Variants in TWIST2 observed in about 807,000 individuals in gnomAD.
TWIST2 encodes the protein twist-related protein 2.
Under a neutral mutation model 11.6 loss-of-function variants are expected in TWIST2, and 1 was observed. The ratio of observed to expected loss-of-function variants is 0.09; its 90% confidence interval spans 0.03 to 0.41. The LOEUF (loss-of-function observed/expected upper bound fraction) is 0.41. Ranked by LOEUF, TWIST2 falls within the 10% of genes least tolerant of loss-of-function variation. TWIST2 has a pLI of 0.98. For missense variants in TWIST2, 168 were observed against 226.4 expected, an observed-to-expected ratio of 0.74 and a Z score of 1.66; for synonymous variants, 87 against 96.6, an observed-to-expected ratio of 0.90 and a Z score of 0.58.
intron 1 of TWIST2, among the ~76,000 whole-genome samples, chr2:238,884,642 G>A (rs978107977): frequency 6.6e-5 from 10 of 152,232 alleles, no homozygotes; most frequent in Middle Eastern, 3.2e-3. Flanking sequence ...GGCAGCAGAG[G>A]CGAGGCCCAT....
At chr2:238,893,333 G>C (rs1398954309) in intron 1 of TWIST2, among the ~76,000 whole-genome samples, 2 of 152,078 alleles carry the variant, frequency 1.3e-5, no homozygotes, top group Non-Finnish European at 2.9e-5. Flanking sequence ...AGATTAATTT[G>C]AAGGACTAAA....
At chr2:238,869,368 A>C (rs1692604757) in intron 1 of TWIST2, among the ~76,000 whole-genome samples, 1 of 152,246 alleles carries the variant, frequency 6.6e-6, no homozygotes, top group South Asian at 2.1e-4. Context: ...GACTACGTCG[A>C]ACTTAAAAAC....
chr2:238,902,249 A>G (rs2106373447), intron 1 of TWIST2, among the ~76,000 whole-genome samples: 1 of 148,376 alleles, frequency 6.7e-6, no homozygotes, highest in South Asian at 2.2e-4. Flanking sequence ...GTGTGTGGTA[A>G]GGAGTTTGTA....
chr2:238,886,238 G>A (rs1366071420), intron 1 of TWIST2, among the ~76,000 whole-genome samples: 1 of 152,116 alleles, frequency 6.6e-6, no homozygotes, highest in Non-Finnish European at 1.5e-5. Context: ...CAGGCTGCAG[G>A]GAAAGGACAT....
Position 238,904,315 on chromosome 2 carries a change from G to GGT in TWIST2, c.*36-5515_*36-5514dup, listed in dbSNP as rs1200229202. ...TGTGATGGGGGTGTGTCTAATGTGA[G>GGT]GTGTGTGTGTGTGATATGGGATGTG... On this transcript the variant is annotated intron_variant, in intron 1 of 1. Transcript: ENST00000612363. 4.8e-4 allele frequency among the ~76,000 whole-genome samples: 68 copies of GGT among 142,352 alleles called. 2 individuals are homozygous for GGT. Among genetic ancestry groups the GGT allele is most frequent in the Middle Eastern group, 3.6e-3 (1 of 278 alleles). 93.4% of individuals were successfully genotyped at this position (142,352 alleles called of 152,430 possible). A position where few individuals can be genotyped will look rare whatever the true frequency, so the allele number is the denominator to read the frequency against.
chr2:238,902,427 TAA>T (rs1449935161), intron 1 of TWIST2, among the ~76,000 whole-genome samples: 106 of 148,196 alleles, frequency 7.2e-4, no homozygotes, highest in Non-Finnish European at 1.2e-3. Flanking sequence ...TGTGATGTGA[TAA>T]GTGTGTGATA....
chr2:238,879,691 G>A (rs1028712509), intron 1 of TWIST2, among the ~76,000 whole-genome samples: 4 of 152,250 alleles, frequency 2.6e-5, no homozygotes, highest in African/African-American at 9.6e-5. Flanking sequence ...GCTGGGTCAA[G>A]CACCAGCTGT....
chr2:238,892,861 T>G (rs1030372965), intron 1 of TWIST2, among the ~76,000 whole-genome samples: 2 of 152,210 alleles, frequency 1.3e-5, no homozygotes, highest in Admixed American at 6.5e-5. Flanking sequence ...TCTTCAACAC[T>G]TAGTGTGTGC....
chr2:238,883,696 T>C (rs1692980864), intron 1 of TWIST2, among the ~76,000 whole-genome samples: 1 of 151,946 alleles, frequency 6.6e-6, no homozygotes. Context: ...GGGAGTTGAG[T>C]AAGAAGAATT....
intron 1 of TWIST2, among the ~76,000 whole-genome samples, chr2:238,908,158 A>G (rs1693387334): frequency 6.6e-6 from 1 of 150,860 alleles, no homozygotes; most frequent in East Asian, 2.0e-4. Flanking sequence ...TACCCACTAC[A>G]TACCACATAT....
chr2:238,863,425 C>T lies in TWIST2; in HGVS notation c.*35+14692C>T, dbSNP rs1343132291. ...TTCAGAAGGATGCACCCGGAATGTA[C>T]CAGCGCGGCTCCCTGATGGAGCTGG... On this transcript the variant is annotated intron_variant, in intron 1 of 1. Transcript: ENST00000612363. This position sits in a 1 kb window ranked among gnomAD's most constrained non-coding sequence, Gnocchi z 4.7. Among the ~76,000 whole-genome samples the T allele has an allele frequency of 6.6e-6, 1 of 152,170 alleles. No individual in the cohort carries two copies. The highest frequency in any genetic ancestry group is 1.5e-5 in the Non-Finnish European group (1 of 68,032).
rs1692476977 is a variant in TWIST2, at chr2:238,863,830, C to T, written c.*35+15097C>T. Among the ~76,000 whole-genome samples the T allele has an allele frequency of 6.6e-6, 1 of 152,138 alleles. No individual in the cohort carries two copies. Among genetic ancestry groups the T allele is most frequent in the Non-Finnish European group, 1.5e-5 (1 of 68,020 alleles). ...AGGATCAAAAATGAAAACCACGTGT[C>T]CCCCTGGCCTTGTATGATGAATGAC... On this transcript the variant is annotated intron_variant, in intron 1 of 1. Coordinates refer to ENST00000612363, the MANE Select transcript of TWIST2 (RefSeq NM_001271893.4). This position sits in a 1 kb window ranked among gnomAD's most constrained non-coding sequence, Gnocchi z 4.7.
intron 1 of TWIST2, among the ~76,000 whole-genome samples, chr2:238,859,289 C>T (rs187194624): frequency 1.8e-4 from 27 of 151,666 alleles, no homozygotes; most frequent in Non-Finnish European, 3.7e-4. Flanking sequence ...CTCAAGAAGC[C>T]AGATGACTAC....
At chr2:238,850,842 A>T (rs775482208) in intron 1 of TWIST2, among the ~76,000 whole-genome samples, 4 of 152,228 alleles carry the variant, frequency 2.6e-5, no homozygotes, top group Non-Finnish European at 4.4e-5. Flanking sequence ...CAAACAAGCT[A>T]GTTTCATTAA....
At chr2:238,860,961 C>T (rs946706413) in intron 1 of TWIST2, among the ~76,000 whole-genome samples, 4 of 151,984 alleles carry the variant, frequency 2.6e-5, no homozygotes, top group African/African-American at 9.7e-5. Context: ...AAACAAAAAA[C>T]TGTTCTGTGT....
chr2:238,868,680 C>T (rs1205565304), intron 1 of TWIST2, among the ~76,000 whole-genome samples: 5 of 152,188 alleles, frequency 3.3e-5, no homozygotes, highest in South Asian at 2.1e-4. Context: ...GGTGACTGTC[C>T]GTGATCACCA....
chr2:238,861,355 G>A (rs1574749084), intron 1 of TWIST2, among the ~76,000 whole-genome samples: 1 of 152,164 alleles, frequency 6.6e-6, no homozygotes, highest in East Asian at 1.9e-4. Flanking sequence ...TCTGCTTCGT[G>A]GTAACTAAAT....
rs186396174 is a variant in TWIST2 at position 238,872,742 on chromosome 2, C to T, written c.*35+24009C>T. Among the ~76,000 whole-genome samples the T allele has an allele frequency of 1.3e-3, 205 of 152,304 alleles. 2 individuals are homozygous for T. Among genetic ancestry groups the T allele is most frequent in the African/African-American group, 4.5e-3 (185 of 41,572 alleles). On this transcript the variant is annotated intron_variant, in intron 1 of 1. Coordinates refer to ENST00000612363, the MANE Select transcript of TWIST2 (RefSeq NM_001271893.4). ...TGCCACTAAACCCCTGGCACCAGGA[C>T]GATTTACTGGACAGGTGACCAGTGT...
intron 1 of TWIST2, among the ~76,000 whole-genome samples, chr2:238,892,027 G>T (rs1190045185): frequency 5.3e-5 from 8 of 152,164 alleles, no homozygotes; most frequent in African/African-American, 1.9e-4. Context: ...GCATGTGCTT[G>T]CCGCTGAGCC....
Sources: gnomAD v4.1 joint callset for allele counts (sites outside exome capture counted in the v4.1 genomes callset) on GRCh38, gnomAD v4.1.1 for gene constraint, Gnocchi (gnomAD v3.1) non-coding constraint, MANE v1.5 for transcripts, NCBI Gene and HGNC (gene_info 2026-07-23, HGNC 2026-07-21) for gene names.